Variants in OLFM1 observed in about 807,000 individuals in gnomAD.
OLFM1 encodes noelin.
Under a neutral mutation model 49.7 loss-of-function variants are expected in OLFM1, and 9 were observed. That is an observed-to-expected ratio of 0.18 (90% confidence interval 0.11 to 0.32). The LOEUF (loss-of-function observed/expected upper bound fraction) is 0.32, where lower values mean the gene tolerates loss of function less well. Among genes scored for constraint, OLFM1 ranks in the 10% least tolerant of loss-of-function variants. OLFM1 has a pLI of 1.00. For synonymous variants in OLFM1, 240 were observed against 271.8 expected (o/e 0.88, Z 1.15); for missense variants, 369 against 661.8 (o/e 0.56, Z 4.85).
At chr9:135,118,564 G>T in intron 5 of OLFM1, among the ~76,000 whole-genome samples, 1 of 143,432 alleles carries the variant, frequency 7.0e-6, no homozygotes, top group African/African-American at 2.6e-5. Context: ...CTTTGGAAGT[G>T]CTCACTGGGT....
chr9:135,118,241 CCTCACTGGGTCTTTGGAGTA>C (rs1831122374), intron 5 of OLFM1, among the ~76,000 whole-genome samples: 1 of 151,268 alleles, frequency 6.6e-6, no homozygotes, highest in African/African-American at 2.4e-5. Context: ...CTTTGGAAGT[CCTCACTGGGTCTTTGGAGTA>C]CTCACTGGGT....
At chr9:135,078,695 G>T (rs866546956) in intron 1 of OLFM1, among the ~76,000 whole-genome samples, 12 of 152,342 alleles carry the variant, frequency 7.9e-5, no homozygotes, top group Middle Eastern at 6.8e-3. Flanking sequence ...TGGGCCTTGG[G>T]GAAGGTGGGG....
At chr9:135,102,224 C>G (rs2119123596) in intron 4 of OLFM1, among the ~76,000 whole-genome samples, 1 of 152,318 alleles carries the variant, frequency 6.6e-6, no homozygotes, top group Admixed American at 6.5e-5. Flanking sequence ...CTGGGGGAGA[C>G]AAACCTGAAG....
At chr9:135,077,394 T>C in intron 1 of OLFM1, 1 of 860,874 alleles carries the variant, frequency 1.2e-6, no homozygotes, top group Non-Finnish European at 1.6e-6. Flanking sequence ...CTCCCTAAGT[T>C]CTCCTCTTTG....
At chr9:135,104,486 C>T (rs1830912192) in intron 4 of OLFM1, among the ~76,000 whole-genome samples, 1 of 152,194 alleles carries the variant, frequency 6.6e-6, no homozygotes, top group African/African-American at 2.4e-5. Flanking sequence ...ACGGAAGGCC[C>T]GGCGTGTTGA....
chr9:135,104,530 G>A (rs937569576), intron 4 of OLFM1, among the ~76,000 whole-genome samples: 7 of 151,602 alleles, frequency 4.6e-5, no homozygotes, highest in South Asian at 2.1e-4. Context: ...GCCCGTGTGC[G>A]CTGCTGGATG....
upstream of OLFM1, chr9:135,087,276 G>C (rs1465712019): frequency 2.0e-6 from 3 of 1,471,806 alleles, no homozygotes; most frequent in African/African-American, 1.4e-5. Context: ...CCGCGGAAAA[G>C]GGCTCCAGTA....
chr9:135,077,082 G>GGCCC (rs1196248558), intron 1 of OLFM1: 1 of 1,549,978 alleles, frequency 6.5e-7, no homozygotes, highest in East Asian at 2.4e-5. Flanking sequence ...AGGTTTTCTT[G>GGCCC]GCCCCAGGAA....
At position 135,090,374 on chromosome 9, in the gene OLFM1, A is replaced by AAGTG. The variant is rs1564269842; in HGVS notation, c.300+30_300+31insAGTG. On this transcript the variant is annotated intron_variant, in intron 2 of 5. Coordinates refer to ENST00000371793, the MANE Select transcript of OLFM1 (RefSeq NM_001282611.2). ...GTCTGCGCAGAGTGTGTGAGTTTGT[A>AAGTG]TGTGTGTGTGTTTGTGTGTGTGTGT... The AAGTG allele has an allele frequency of 5.9e-6, 8 of 1,355,598 alleles. No homozygotes were observed. In the African/African-American group the frequency reaches 1.0e-4, roughly 17 times the overall value. 84.0% of individuals were successfully genotyped at this position (1,355,598 alleles called of 1,614,324 possible).
upstream of OLFM1, among the ~76,000 whole-genome samples, chr9:135,083,903 A>G (rs1236708534): frequency 6.6e-6 from 1 of 152,222 alleles, no homozygotes; most frequent in African/African-American, 2.4e-5. Flanking sequence ...CGCAGGTCAC[A>G]CAGCCACGCC....
At chr9:135,102,152 C>T (rs944017850) in intron 4 of OLFM1, among the ~76,000 whole-genome samples, 10 of 152,204 alleles carry the variant, frequency 6.6e-5, no homozygotes, top group Admixed American at 4.6e-4. Context: ...TGCAGGCCCC[C>T]GTCCCAGCTC....
Position 135,120,183 on chromosome 9 carries a change from C to T in OLFM1, c.*5C>T. 1.9e-6 allele frequency: 3 copies of T among 1,600,500 alleles called. No individual in the cohort carries two copies. The highest frequency in any genetic ancestry group is 2.6e-6 in the Non-Finnish European group (3 of 1,172,896). Reference sequence around the variant, plus strand: ...ATCCGCTCCGACGAGTTGTAGCTCCCTCCTCCTGGAAGCCAAGGGCCCACG... The same window carrying T: ...ATCCGCTCCGACGAGTTGTAGCTCCTTCCTCCTGGAAGCCAAGGGCCCACG... On this transcript the variant is annotated 3_prime_UTR_variant, in exon 6 of 6. Coordinates refer to ENST00000371793, the MANE Select transcript of OLFM1 (RefSeq NM_001282611.2).
At position 135,090,328 on chromosome 9, in the gene OLFM1, G is replaced by A. The variant is rs1475600261; in HGVS notation, c.284G>A (p.Arg95Lys). 6.2e-7 allele frequency: 1 copy of A among 1,614,020 alleles called. No homozygotes were observed. Among genetic ancestry groups the A allele is most frequent in the South Asian group, 1.1e-5 (1 of 91,030 alleles). The change falls in exon 2 of 6, where the codon AGG (arginine) becomes AAG (lysine). Residue 95 changes from arginine to lysine, a missense_variant. Physicochemically the swap from Arg to Lys is conservative, Grantham distance 26. Around this residue, in one of 3 missense-constraint regions of OLFM1, gnomAD observed 294 missense variants for 567.5 expected, o/e 0.52. Transcript: ENST00000371793. ...CSRDARTKQL[R>K]QLLEKVQNMS... The stretch of plus-strand genomic sequence containing the variant: ...CGGGATGCCCGCACAAAACAGCTGA[G>A]GCAGCTACTGGAGAAGGTGAGTCTG...
At chr9:135,083,391 G>A (rs1027513837), upstream of OLFM1, among the ~76,000 whole-genome samples, 1 of 152,170 alleles carries the variant, frequency 6.6e-6, no homozygotes, top group African/African-American at 2.4e-5. Context: ...GTGCATGAAG[G>A]GTCTGGGGGG....
chr9:135,080,459 T>C lies in OLFM1; in HGVS notation c.96+4657T>C, dbSNP rs1830518099. On this transcript the variant is annotated intron_variant, in intron 1 of 5. Coordinates refer to the OLFM1 transcript ENST00000252854. This position sits in a 1 kb window ranked among gnomAD's most constrained non-coding sequence, Gnocchi z 4.5. ...TGTGGCCTCTCAGGCTGGCAATGCC[T>C]CTGGACACACGGAGGGAGAGGGGCA... 6.6e-6 allele frequency among the ~76,000 whole-genome samples: 1 copy of C among 152,112 alleles called. No homozygotes were observed. The highest frequency in any genetic ancestry group is 6.6e-5 in the Admixed American group (1 of 15,262).
chr9:135,076,372 T>A (rs1447815907), intron 1 of OLFM1: 1 of 1,522,728 alleles, frequency 6.6e-7, no homozygotes, highest in South Asian at 1.3e-5. Flanking sequence ...TGGGGGGCTG[T>A]GGCCACATGC....
chr9:135,107,675 G>A (rs1341274431), intron 5 of OLFM1, among the ~76,000 whole-genome samples: 2 of 152,258 alleles, frequency 1.3e-5, no homozygotes, highest in Non-Finnish European at 1.5e-5. Flanking sequence ...GGCTGCCAGA[G>A]TGGGCATTTC....
intron 2 of OLFM1, among the ~76,000 whole-genome samples, chr9:135,091,662 CACAG>C (rs1830700231): frequency 7.6e-5 from 9 of 118,814 alleles, no homozygotes; most frequent in Admixed American, 2.4e-4. Context: ...GTCACACACA[CACAG>C]TCACACACTC....
rs375668750 is a variant in OLFM1, at chr9:135,119,485, G to A, written c.784-19G>A. 1.4e-4 allele frequency: 218 copies of A among 1,570,100 alleles called. 1 individual carries two copies. Among genetic ancestry groups the A allele is most frequent in the South Asian group, 9.6e-4 (80 of 83,758 alleles). ...TGGGTCTTTGGAAGTGCTCACCACC[G>A]GGTCTGCTCTCTCCACAGGTGTGGT... is the stretch of plus-strand genomic sequence containing the variant. On this transcript the variant is annotated intron_variant, in intron 5 of 5. Coordinates refer to ENST00000371793, the MANE Select transcript of OLFM1 (RefSeq NM_001282611.2).
Sources: allele counts gnomAD v4.1 joint callset (sites outside exome capture counted in the v4.1 genomes callset), GRCh38; gene constraint gnomAD v4.1.1; regional missense constraint gnomAD v4.1.1; non-coding constraint Gnocchi (gnomAD v3.1); transcripts MANE v1.5; gene names NCBI Gene and HGNC (gene_info 2026-07-23, HGNC 2026-07-21).